MTX2: variants seen among roughly 807,000 people sequenced by gnomAD.
The protein encoded by MTX2 is metaxin-2.
MTX2 carries 35 observed loss-of-function variants against 42.3 expected under a neutral mutation model. That is an observed-to-expected ratio of 0.83 (90% CI 0.63 to 1.10). The LOEUF is 1.10. Ranked by LOEUF, MTX2 falls within the 50% of genes least tolerant of loss-of-function variation. The pLI, the probability that MTX2 is intolerant of heterozygous loss-of-function variation, is 0.00. For missense variants in MTX2, 307 were observed against 304.1 expected, an observed-to-expected ratio of 1.01 and a Z score of -0.07; for synonymous variants, 119 against 100.9, an observed-to-expected ratio of 1.18 and a Z score of -1.08.
At chr2:176,323,643 A>G (rs1472662503) in intron 4 of MTX2, among the ~76,000 whole-genome samples, 179 bp downstream of exon 4, 4 of 151,732 alleles carry the variant, frequency 2.6e-5, no homozygotes, top group Admixed American at 1.3e-4. Context: ...TGGCATATCT[A>G]TTCATTTCAA....
At chr2:176,313,419 G>GTC (rs1480206890) in intron 3 of MTX2, among the ~76,000 whole-genome samples, 2 of 138,984 alleles carry the variant, frequency 1.4e-5, no homozygotes, top group Non-Finnish European at 3.0e-5. Context: ...TGGAGATAGG[G>GTC]TCTCACTCTG....
chr2:176,296,926 TA>T lies in MTX2; in HGVS notation c.88+24del. On this transcript the variant is annotated intron_variant, in intron 2 of 9. Coordinates refer to ENST00000249442, the MANE Select transcript of MTX2 (RefSeq NM_006554.5). ...TTGAAAGGTAAGTCTTGTTCACAAT[TA>T]AAAATGGCTTTGTATCAAACTATAT... 6.2e-7 allele frequency: 1 copy of T among 1,606,254 alleles called. No homozygotes were observed. The highest frequency in any genetic ancestry group is 8.5e-7 in the Non-Finnish European group (1 of 1,173,206).
intron 8 of MTX2, among the ~76,000 whole-genome samples, 158 bp downstream of exon 8, chr2:176,329,584 C>T (rs1684806051): frequency 6.6e-6 from 1 of 151,032 alleles, no homozygotes; most frequent in Admixed American, 6.6e-5. Flanking sequence ...TCTAAAAAAT[C>T]ATACATGCTT....
At chr2:176,330,040 C>T (rs1460121555) in intron 8 of MTX2, among the ~76,000 whole-genome samples, 1 of 150,954 alleles carries the variant, frequency 6.6e-6, no homozygotes, top group Non-Finnish European at 1.5e-5. Flanking sequence ...TACTAGCCAG[C>T]CATCTCACTG....
At position 176,297,986 on chromosome 2, in the gene MTX2, TCTGATA is replaced by T. The variant is rs202226335; in HGVS notation, c.135+94_135+99del. 8.6e-4 allele frequency: 737 copies of T among 854,678 alleles called. 4 individuals carry two copies. In the African/African-American group the frequency reaches 0.011, roughly 13 times the overall value. 52.9% of individuals were successfully genotyped at this position (854,678 alleles called of 1,614,324 possible). Reference sequence around the variant, plus strand: ...GTTATATTTTTCCCCTTCCAAAATGTCTGATACTATATGTTTAGATTTTTTTCTGTG... The same window carrying T: ...GTTATATTTTTCCCCTTCCAAAATGTCTATATGTTTAGATTTTTTTCTGTG... On this transcript the variant is annotated intron_variant, in intron 3 of 9. Coordinates refer to ENST00000249442, the MANE Select transcript of MTX2 (RefSeq NM_006554.5).
At chr2:176,297,451 T>C (rs1368091612) in intron 2 of MTX2, among the ~76,000 whole-genome samples, 1 of 152,194 alleles carries the variant, frequency 6.6e-6, no homozygotes, top group African/African-American at 2.4e-5. Flanking sequence ...ATCTTTCTTT[T>C]GTGTGACGGA....
At chr2:176,271,288 G>A (rs1256025504) in intron 1 of MTX2, among the ~76,000 whole-genome samples, 1 of 152,076 alleles carries the variant, frequency 6.6e-6, no homozygotes, top group Non-Finnish European at 1.5e-5. Context: ...CAACAAAATT[G>A]TAATAAAATA....
intron 9 of MTX2, among the ~76,000 whole-genome samples, chr2:176,333,838 G>A (rs1684919460): frequency 1.3e-5 from 2 of 151,676 alleles, no homozygotes; most frequent in African/African-American, 4.8e-5. Context: ...GTGCTGTATA[G>A]GTTTGTAGCC....
intron 3 of MTX2, among the ~76,000 whole-genome samples, chr2:176,311,157 C>T (rs1415486519): frequency 2.0e-5 from 3 of 152,138 alleles, no homozygotes; most frequent in Admixed American, 2.0e-4. Flanking sequence ...AGCCAGGTCC[C>T]TCAGCTGCAG....
At chr2:176,301,054 G>A (rs1684012426) in intron 3 of MTX2, among the ~76,000 whole-genome samples, 1 of 134,508 alleles carries the variant, frequency 7.4e-6, no homozygotes, top group African/African-American at 2.6e-5. Context: ...GGACATGTTT[G>A]TGTTTGTGTG....
At chr2:176,329,221 TTTC>T in intron 7 of MTX2, 77 bp from the exon 8 acceptor site, 1 of 1,451,022 alleles carries the variant, frequency 6.9e-7, no homozygotes, top group Non-Finnish European at 9.3e-7. Context: ...TGAAAATATA[TTTC>T]TTTTAGAATT....
At chr2:176,306,280 A>G (rs1684142552) in intron 3 of MTX2, among the ~76,000 whole-genome samples, 1 of 152,178 alleles carries the variant, frequency 6.6e-6, no homozygotes, top group African/African-American at 2.4e-5. Flanking sequence ...CATGGTGTAT[A>G]TGTGCCACAT....
chr2:176,309,689 GTTT>G (rs1684247866), intron 3 of MTX2, among the ~76,000 whole-genome samples: 2 of 123,214 alleles, frequency 1.6e-5, no homozygotes, highest in Non-Finnish European at 3.4e-5. Flanking sequence ...TTTAAAGTCT[GTTT>G]TATCAGAGAC....
intron 3 of MTX2, among the ~76,000 whole-genome samples, chr2:176,314,244 T>A (rs917114640): frequency 1.3e-5 from 2 of 152,142 alleles, no homozygotes; most frequent in African/African-American, 4.8e-5. Flanking sequence ...ACGACCAGCC[T>A]GGCCAACATG....
At chr2:176,280,854 C>T (rs1015631242) in intron 1 of MTX2, among the ~76,000 whole-genome samples, 2 of 152,148 alleles carry the variant, frequency 1.3e-5, no homozygotes, top group African/African-American at 2.4e-5. Flanking sequence ...GGTAATGAAC[C>T]AGTCTAAGGA....
intron 9 of MTX2, among the ~76,000 whole-genome samples, chr2:176,333,746 T>C (rs1337497959): frequency 6.6e-6 from 1 of 151,704 alleles, no homozygotes; most frequent in Non-Finnish European, 1.5e-5. Context: ...TGTTTAGATA[T>C]GTTTAAATAC....
chr2:176,312,883 A>AG (rs1162765576), intron 3 of MTX2, among the ~76,000 whole-genome samples: 1 of 151,088 alleles, frequency 6.6e-6, no homozygotes, highest in Non-Finnish European at 1.5e-5. Context: ...AAAAAAAAAA[A>AG]AGAAAGAAAG....
rs76738445 is a variant in MTX2, at chr2:176,333,749, T to A, written c.620+3089T>A. ...TTACCTTTTCTGTGTTTAGATATGT[T>A]TAAATACACAAGTATTTGTGTACCA... is the stretch of plus-strand genomic sequence containing the variant. On this transcript the variant is annotated intron_variant, in intron 9 of 9. Coordinates refer to ENST00000249442, the MANE Select transcript of MTX2 (RefSeq NM_006554.5). Among the ~76,000 whole-genome samples the A allele has an allele frequency of 4.9e-4, 75 of 151,838 alleles. 1 individual carries two copies. The East Asian group carries it at 0.014, about 28-fold the overall frequency.
intron 1 of MTX2, among the ~76,000 whole-genome samples, chr2:176,286,225 T>A (rs574745956): frequency 6.4e-4 from 97 of 152,300 alleles, no homozygotes; most frequent in African/African-American, 2.3e-3. Flanking sequence ...ATGTTGTCTT[T>A]TTATTATAGG....
Sources: allele counts gnomAD v4.1 joint callset (sites outside exome capture counted in the v4.1 genomes callset), GRCh38; gene constraint gnomAD v4.1.1; transcripts MANE v1.5; gene names NCBI Gene and HGNC (gene_info 2026-07-23, HGNC 2026-07-21).